The following PEX7 variants were observed in gnomAD, a reference collection of about 807,000 sequenced individuals.
PEX7 encodes the protein peroxisomal biogenesis factor 7.
In PEX7, 34 loss-of-function variants were observed where a neutral mutation model predicts 47.5. The observed-to-expected ratio is 0.72, with a 90% CI of 0.54 to 0.95. The LOEUF (loss-of-function observed/expected upper bound fraction) is 0.95, where lower values mean the gene tolerates loss of function less well. Among genes scored for constraint, PEX7 ranks in the 40% least tolerant of loss-of-function variants. PEX7 has a pLI of 0.00. For synonymous variants in PEX7, 141 were observed against 148.8 expected (o/e 0.95, Z 0.38); for missense variants, 394 against 400.3 (o/e 0.98, Z 0.13).
intron 9 of PEX7, among the ~76,000 whole-genome samples, chr6:136,906,420 A>T (rs1482098662): frequency 6.6e-6 from 1 of 152,146 alleles, no homozygotes; most frequent in African/African-American, 2.4e-5. Context: ...TAACCTATAG[A>T]TATAACAATT....
chr6:136,865,459 G>A lies in PEX7; in HGVS notation c.527-1168G>A, dbSNP rs373598451. 2.4e-4 allele frequency among the ~76,000 whole-genome samples: 37 copies of A among 151,898 alleles called. 4 individuals carry two copies. The highest frequency in any genetic ancestry group is 9.8e-4 in the Admixed American group (15 of 15,242). The stretch of plus-strand genomic sequence containing the variant: ...GATTACAGGCACCCGCCACCACCAC[G>A]CCCAACTAATTTTTTGTTTAGTAGA... On this transcript the variant is annotated intron_variant, in intron 5 of 9. Transcript: ENST00000318471.
rs186716838 is a variant in PEX7, at chr6:136,839,061, G to T, written c.340-6554G>T. Among the ~76,000 whole-genome samples, 274 of 152,104 alleles carry T rather than the reference G, an allele frequency of 1.8e-3. 2 individuals are homozygous for T. The highest frequency in any genetic ancestry group is 6.3e-3 in the African/African-American group (262 of 41,474). ...GCTGGTGTTGTGGTGTGCACCTGTG[G>T]TCCCAGCTACCCGGGAGGTTGAGGT... On this transcript the variant is annotated intron_variant, in intron 3 of 9. Coordinates refer to ENST00000318471, the MANE Select transcript of PEX7 (RefSeq NM_000288.4).
At position 136,863,875 on chromosome 6, in the gene PEX7, C is replaced by T. The variant is rs572379275; in HGVS notation, c.527-2752C>T. Among the ~76,000 whole-genome samples the T allele has an allele frequency of 2.6e-5, 4 of 152,296 alleles. No individual in the cohort carries two copies. The South Asian group carries it at 8.3e-4, about 32-fold the overall frequency. On this transcript the variant is annotated intron_variant, in intron 5 of 9. Transcript: ENST00000318471. ...AGTGAGCTGAGATCGCATCACTGCA[C>T]TCCAGCCTGGAAATTAAAAGAATTA...
intron 5 of PEX7, among the ~76,000 whole-genome samples, chr6:136,852,373 CCT>C (rs1774773699): frequency 8.3e-6 from 1 of 119,882 alleles, no homozygotes; most frequent in African/African-American, 3.3e-5. Context: ...TCAAATTGTC[CCT>C]GTTTGCAGAC....
At chr6:136,827,629 C>T (rs1240795789) in intron 3 of PEX7, among the ~76,000 whole-genome samples, 1 of 151,264 alleles carries the variant, frequency 6.6e-6, no homozygotes, top group East Asian at 2.0e-4. Context: ...CTGGAATGGG[C>T]TCAAGCCATT....
intron 5 of PEX7, 64 bp from the exon 6 acceptor site, chr6:136,866,563 C>A: frequency 7.6e-7 from 1 of 1,315,878 alleles, no homozygotes; most frequent in Non-Finnish European, 1.1e-6. Flanking sequence ...TTATTGTGAA[C>A]ACATTATGTC....
intron 5 of PEX7, among the ~76,000 whole-genome samples, chr6:136,856,574 G>A (rs1361317615): frequency 2.6e-5 from 4 of 152,182 alleles, no homozygotes; most frequent in Non-Finnish European, 5.9e-5. Context: ...TTCATTTTCT[G>A]TCATGGGCTC....
intron 8 of PEX7, among the ~76,000 whole-genome samples, chr6:136,892,862 C>A (rs749215854): frequency 1.3e-5 from 2 of 152,066 alleles, no homozygotes; most frequent in Non-Finnish European, 2.9e-5. Context: ...ATCTCCAATC[C>A]ATCAACTTTT....
At chr6:136,888,775 T>C (rs1004507666) in intron 8 of PEX7, among the ~76,000 whole-genome samples, 7 of 152,152 alleles carry the variant, frequency 4.6e-5, no homozygotes, top group Non-Finnish European at 1.0e-4. Context: ...ACTCTGACTG[T>C]AGAAGCTCAA....
intron 5 of PEX7, among the ~76,000 whole-genome samples, chr6:136,856,338 A>C (rs1774862784): frequency 6.6e-6 from 1 of 151,484 alleles, no homozygotes; most frequent in African/African-American, 2.4e-5. Flanking sequence ...AAGTGCTTTA[A>C]GGAAGAAGAT....
At chr6:136,905,439 T>C (rs1023695075) in intron 9 of PEX7, among the ~76,000 whole-genome samples, 1 of 152,250 alleles carries the variant, frequency 6.6e-6, no homozygotes, top group African/African-American at 2.4e-5. Flanking sequence ...TTTCTCAGAA[T>C]CTACACTCTC....
chr6:136,905,002 C>T (rs1775821315), intron 9 of PEX7, among the ~76,000 whole-genome samples: 1 of 152,186 alleles, frequency 6.6e-6, no homozygotes, highest in African/African-American at 2.4e-5. Flanking sequence ...TGGTCCTACT[C>T]AACTTACCTT....
chr6:136,866,915 G>A (rs552056742), intron 6 of PEX7, among the ~76,000 whole-genome samples, 182 bp downstream of exon 6: 1 of 152,306 alleles, frequency 6.6e-6, no homozygotes, highest in South Asian at 2.1e-4. Context: ...GGATTTAAGT[G>A]CTCATGAAAC....
At chr6:136,865,976 G>A (rs1582757247) in intron 5 of PEX7, among the ~76,000 whole-genome samples, 1 of 151,980 alleles carries the variant, frequency 6.6e-6, no homozygotes, top group Non-Finnish European at 1.5e-5. Flanking sequence ...CTGGCTACTC[G>A]GGAGGCTGAG....
At chr6:136,894,925 T>TA in intron 8 of PEX7, among the ~76,000 whole-genome samples, 1 of 152,354 alleles carries the variant, frequency 6.6e-6, no homozygotes, top group Non-Finnish European at 1.5e-5. Flanking sequence ...CACTTAATGA[T>TA]ATATGATAGT....
chr6:136,854,448 A>G (rs1190321061), intron 5 of PEX7, among the ~76,000 whole-genome samples: 1 of 152,122 alleles, frequency 6.6e-6, no homozygotes, highest in Non-Finnish European at 1.5e-5. Flanking sequence ...TGGCCTCCCA[A>G]AGTGTTGGGA....
intron 7 of PEX7, among the ~76,000 whole-genome samples, chr6:136,870,262 A>G (rs77267234): frequency 2.6e-5 from 4 of 152,148 alleles, no homozygotes; most frequent in African/African-American, 7.2e-5. Flanking sequence ...TTCACCTCCA[A>G]TCTGTTTTTC....
chr6:136,849,771 A>C (rs529535914), intron 5 of PEX7, among the ~76,000 whole-genome samples: 1 of 152,186 alleles, frequency 6.6e-6, no homozygotes, highest in Non-Finnish European at 1.5e-5. Flanking sequence ...CTTTGCTTCC[A>C]AGTATGTGGT....
intron 8 of PEX7, among the ~76,000 whole-genome samples, chr6:136,892,599 T>C (rs1775576048): frequency 6.6e-6 from 1 of 152,220 alleles, no homozygotes; most frequent in South Asian, 2.1e-4. Flanking sequence ...CATTCATTCA[T>C]GAGTGCCCAT....
Sources: allele counts gnomAD v4.1 joint callset (sites outside exome capture counted in the v4.1 genomes callset), GRCh38; gene constraint gnomAD v4.1.1; transcripts MANE v1.5; gene names NCBI Gene and HGNC (gene_info 2026-07-23, HGNC 2026-07-21).